The following SCLY variants were observed in gnomAD, a reference collection of about 807,000 sequenced individuals.
The protein encoded by SCLY is putative selenocysteine lyase.
Under a neutral mutation model 50.1 loss-of-function variants are expected in SCLY, and 38 were observed. The observed-to-expected ratio is 0.76, with a 90% confidence interval of 0.59 to 0.99. The LOEUF (loss-of-function observed/expected upper bound fraction) is 0.99, where lower values mean the gene tolerates loss of function less well. Among genes scored for constraint, SCLY ranks in the 50% least tolerant of loss-of-function variants. The pLI, the probability that SCLY is intolerant of heterozygous loss-of-function variation, is 0.00. For missense variants in SCLY, 600 were observed against 620.0 expected (o/e 0.97, Z 0.34); for synonymous variants, 243 against 249.4 (o/e 0.97, Z 0.24).
At position 238,091,211 on chromosome 2, in the gene SCLY, C is replaced by T. The variant is rs1455485593; in HGVS notation, c.885-7C>T. ...TTTATTCTTGCTTAATCCCTTGTTT[C>T]TTACAGGACAGAGAACACCCCAATG... On this transcript the variant is annotated splice_polypyrimidine_tract_variant and splice_region_variant and intron_variant, in intron 7 of 11. Transcript: ENST00000254663. 1.9e-6 allele frequency: 3 copies of T among 1,612,330 alleles called. No individual in the cohort carries two copies. The highest frequency in any genetic ancestry group is 2.7e-5 in the African/African-American group (2 of 74,906).
At chr2:238,095,415 G>A (rs1338757820) in intron 10 of SCLY, 2 of 152,200 alleles carry the variant, frequency 1.3e-5, no homozygotes, top group African/African-American at 2.4e-5. Flanking sequence ...CTGAGATCAC[G>A]ATGAGCTGCA....
At position 238,067,395 on chromosome 2, in the gene SCLY, G is replaced by T. The variant is rs1038908730; in HGVS notation, c.203-670G>T. ...TAAATAAGACTGAATGGTCAAAAAA[G>T]TTTGGGGACTCCTGGTGTGTACACT... On this transcript the variant is annotated intron_variant, in intron 2 of 11. Coordinates refer to ENST00000254663, the MANE Select transcript of SCLY (RefSeq NM_016510.7). This position sits in a 1 kb window ranked among gnomAD's most constrained non-coding sequence, Gnocchi z 4.3. Among the ~76,000 whole-genome samples the T allele has an allele frequency of 6.6e-6, 1 of 152,222 alleles. No individual in the cohort carries two copies. The highest frequency in any genetic ancestry group is 2.1e-4 in the South Asian group (1 of 4,832).
rs1467274420 is a variant in SCLY at position 238,098,581 on chromosome 2, C to CGCCCACATGGGAA, written c.*226_*227insGCCCACATGGGAA. ...GCCGCATAGGACTGCCCACATGGGA[C>CGCCCACATGGGAA]CGCCCACATAGGACCGCCCACATAG... On this transcript the variant is annotated 3_prime_UTR_variant, in exon 12 of 12. Transcript: ENST00000254663. 6 of 329,112 alleles carry CGCCCACATGGGAA rather than the reference C, an allele frequency of 1.8e-5. No individual in the cohort carries two copies. Among genetic ancestry groups the CGCCCACATGGGAA allele is most frequent in the Non-Finnish European group, 3.1e-5 (6 of 192,536 alleles). 20.4% of individuals were successfully genotyped at this position (329,112 alleles called of 1,614,324 possible).
intron 4 of SCLY, among the ~76,000 whole-genome samples, chr2:238,071,997 C>CA (rs2065133109): frequency 6.6e-6 from 1 of 152,060 alleles, no homozygotes; most frequent in African/African-American, 2.4e-5. Context: ...CTATAATTTT[C>CA]AGTTATAGAA....
In SCLY at chr2:238,098,636, ACCGCCC is replaced by A. The variant is rs1559254821; in HGVS notation, c.*282_*287del. The A allele has an allele frequency of 6.9e-4, 285 of 415,372 alleles. 11 individuals are homozygous for A. The highest frequency in any genetic ancestry group is 9.7e-4 in the East Asian group (28 of 28,988). 25.7% of individuals were successfully genotyped at this position (415,372 alleles called of 1,614,324 possible). Reference sequence around the variant, plus strand: ...GCCCACATGGGACCGCCCACATGGGACCGCCCACATGGGACCGCCCACATAGAACCG... The same window carrying A: ...GCCCACATGGGACCGCCCACATGGGAACATGGGACCGCCCACATAGAACCG... On this transcript the variant is annotated 3_prime_UTR_variant, in exon 12 of 12. Transcript: ENST00000254663.
chr2:238,074,470 TGTTA>T (rs1328489712), intron 4 of SCLY, among the ~76,000 whole-genome samples: 9 of 152,104 alleles, frequency 5.9e-5, no homozygotes, highest in Non-Finnish European at 1.3e-4. Context: ...TAGTTTTAAT[TGTTA>T]GTTTAGTTTA....
chr2:238,091,560 G>GCT, intron 8 of SCLY: 20 of 313,370 alleles, frequency 6.4e-5, no homozygotes, highest in Admixed American at 2.4e-4. Flanking sequence ...CATTCCCAAA[G>GCT]GCGTCGGCAG....
intron 4 of SCLY, chr2:238,081,490 C>G (rs1044044398): frequency 1.8e-6 from 1 of 542,232 alleles, no homozygotes; most frequent in Non-Finnish European, 3.2e-6. Context: ...GACACAGATT[C>G]ACTGACTGCA....
At chr2:238,068,020 G>T (rs777655622) in intron 2 of SCLY, 45 bp from the exon 3 acceptor site, 1 of 1,416,230 alleles carries the variant, frequency 7.1e-7, no homozygotes, top group Non-Finnish European at 9.9e-7. Flanking sequence ...CGTTGATTGA[G>T]CTTGGTGAAG....
Position 238,081,733 on chromosome 2 carries a change from A to C in SCLY, c.509A>C (p.Lys170Thr). 6.2e-7 allele frequency: 1 copy of C among 1,614,228 alleles called. No homozygotes were observed. Among genetic ancestry groups the C allele is most frequent in the East Asian group, 2.2e-5 (1 of 44,884 alleles). Residue 170 changes from lysine to threonine, a missense_variant, in exon 5 of 12, where the codon AAG becomes ACG. Transcript: ENST00000254663. ...GCGGTCACCTTTGTCCCGGTGTCCA[A>C]GGTGAGCGGGCAGGCAGAGGTGGAC... ...VAAVTFVPVS[K>T]VSGQAEVDDI...
At chr2:238,074,501 T>C (rs1436528532) in intron 4 of SCLY, among the ~76,000 whole-genome samples, 3 of 152,182 alleles carry the variant, frequency 2.0e-5, no homozygotes, top group African/African-American at 7.2e-5. Flanking sequence ...TTTTGTTTTT[T>C]TGAGGCACTT....
At chr2:238,077,474 A>G (rs1475572386) in intron 4 of SCLY, among the ~76,000 whole-genome samples, 1 of 152,242 alleles carries the variant, frequency 6.6e-6, no homozygotes, top group Admixed American at 6.5e-5. Context: ...GGCTGACACT[A>G]TGTGTCAATT....
At position 238,066,394 on chromosome 2, in the gene SCLY, G is replaced by A. The variant is rs2065071625; in HGVS notation, c.203-1671G>A. ...GTGGACCTCCTGAGAGGGCCTTGGG[G>A]TTTTGGAAACCGCTGACGTAAGCAG... is the stretch of plus-strand genomic sequence containing the variant. On this transcript the variant is annotated intron_variant, in intron 2 of 11. Transcript: ENST00000254663. This position sits in a 1 kb window ranked among gnomAD's most constrained non-coding sequence, Gnocchi z 4.1. Among the ~76,000 whole-genome samples, 1 of 152,188 alleles carries A rather than the reference G, an allele frequency of 6.6e-6. No individual in the cohort carries two copies. Among genetic ancestry groups the A allele is most frequent in the Non-Finnish European group, 1.5e-5 (1 of 68,044 alleles).
chr2:238,096,347 G>C (rs2065436095), intron 10 of SCLY, among the ~76,000 whole-genome samples: 1 of 152,228 alleles, frequency 6.6e-6, no homozygotes, highest in Non-Finnish European at 1.5e-5. Context: ...CACTGCACCT[G>C]GCTGAAATTC....
intron 4 of SCLY, among the ~76,000 whole-genome samples, chr2:238,078,172 T>C (rs1324125203): frequency 6.6e-6 from 1 of 152,138 alleles, no homozygotes; most frequent in Admixed American, 6.5e-5. Flanking sequence ...CAGGCTGACC[T>C]TGAACTCCTG....
At chr2:238,090,373 G>A (rs553432660) in intron 7 of SCLY, among the ~76,000 whole-genome samples, 37 of 152,314 alleles carry the variant, frequency 2.4e-4, no homozygotes, top group Non-Finnish European at 4.7e-4. Context: ...TTAATGGGCC[G>A]GGCGCAGTGG....
Position 238,069,323 on chromosome 2 carries a change from G to A in SCLY, c.330G>A (p.Val110=). 2 of 1,613,696 alleles carry A rather than the reference G, an allele frequency of 1.2e-6. No individual in the cohort carries two copies. The highest frequency in any genetic ancestry group is 1.7e-4 in the Middle Eastern group (1 of 6,060). ...TESNNLVIHS[V]VKHFHANQTS... is the part of the protein sequence containing the mutation. ...CAAATAATTTAGTAATCCATTCTGT[G>A]GTGAAACATTTCCACGCAAACCAGA... is the stretch of plus-strand genomic sequence containing the variant. Residue 110 remains valine, a synonymous_variant, in exon 4 of 12, where the codon GTG becomes GTA. Transcript: ENST00000254663. The surrounding 1 kb of genome is among the most constrained non-coding windows in gnomAD (Gnocchi z 5.0).
rs376908122 is a variant in SCLY, at chr2:238,096,797, G to A, written c.1109-4G>A. The A allele has an allele frequency of 1.6e-5, 25 of 1,607,038 alleles. No homozygotes were observed. In the African/African-American group the frequency reaches 2.1e-4, roughly 14 times the overall value. ...TCTCAGGGGCATGTGCTCTGTCTCC[G>A]CAGGCCACGTGGTGCTTGCGCAGTG... On this transcript the variant is annotated splice_polypyrimidine_tract_variant and splice_region_variant and intron_variant, in intron 10 of 11. Transcript: ENST00000254663.
chr2:238,068,221 C>T, intron 3 of SCLY, 56 bp downstream of exon 3: 1 of 1,237,198 alleles, frequency 8.1e-7, no homozygotes, highest in South Asian at 1.4e-5. Context: ...ATAAAATACA[C>T]AGAAAGTGAT....
Sources: gnomAD v4.1 joint callset for allele counts (sites outside exome capture counted in the v4.1 genomes callset) on GRCh38, gnomAD v4.1.1 for gene constraint, Gnocchi (gnomAD v3.1) non-coding constraint, MANE v1.5 for transcripts, NCBI Gene and HGNC (gene_info 2026-07-23, HGNC 2026-07-21) for gene names.